The following TNRC6B variants were observed in gnomAD, a reference collection of about 807,000 sequenced individuals.
The protein encoded by TNRC6B is trinucleotide repeat containing adaptor 6B.
Under a neutral mutation model 203.6 loss-of-function variants are expected in TNRC6B, and 52 were observed. The ratio of observed to expected loss-of-function variants is 0.26; its 90% confidence interval spans 0.20 to 0.32. TNRC6B has a LOEUF of 0.32. TNRC6B is among the 10% of genes least tolerant of loss of function. The pLI, the probability that TNRC6B is intolerant of heterozygous loss-of-function variation, is 1.00. For synonymous variants in TNRC6B, 838 were observed against 845.7 expected, an observed-to-expected ratio of 0.99 and a Z score of 0.16; for missense variants, 1,923 against 2,286.2, an observed-to-expected ratio of 0.84 and a Z score of 3.24.
At position 40,106,734 on chromosome 22, in the gene TNRC6B, G is replaced by T; in HGVS notation, c.-120-10321G>T. ...TTGAAGATTTCAGGAAGGCGAAGAA[G>T]CTGCAACACCTTTCGGACCTTTGGG... On this transcript the variant is annotated intron_variant, in intron 1 of 23. Coordinates refer to the TNRC6B transcript ENST00000301923. 3 of 766,656 alleles carry T rather than the reference G, an allele frequency of 3.9e-6. No homozygotes were observed. The South Asian group carries it at 4.0e-5, about 10-fold the overall frequency. The allele number at this position is 766,656 out of a possible 1,614,324, so 47.5% of individuals were successfully genotyped here. A position where few individuals can be genotyped will look rare whatever the true frequency, so the allele number is the denominator to read the frequency against.
chr22:40,126,009 C>G lies in TNRC6B; in HGVS notation c.45+147C>G, dbSNP rs1005621213. On this transcript the variant is annotated intron_variant, in intron 3 of 23. Coordinates refer to the TNRC6B transcript ENST00000301923. Reference sequence around the variant, plus strand: ...AACATAAGATTGAGAAATATTTTTTCTTTTCAGTATACTTTTTAATCCTAT... The same window carrying G: ...AACATAAGATTGAGAAATATTTTTTGTTTTCAGTATACTTTTTAATCCTAT... 5 of 828,346 alleles carry G rather than the reference C, an allele frequency of 6.0e-6. No individual in the cohort carries two copies. In the East Asian group the frequency reaches 8.8e-5, roughly 15 times the overall value. The allele number at this position is 828,346 out of a possible 1,614,324, so 51.3% of individuals were successfully genotyped here.
intron 7 of TNRC6B, among the ~76,000 whole-genome samples, chr22:40,276,239 C>T (rs1008832906): frequency 6.8e-6 from 1 of 147,214 alleles, no homozygotes; most frequent in African/African-American, 2.5e-5. Context: ...CCCAGCTACT[C>T]GGGAGGCTGA....
intron 1 of TNRC6B, chr22:40,106,474 C>T (rs904778638): frequency 6.6e-6 from 5 of 756,376 alleles, no homozygotes; most frequent in Admixed American, 3.5e-5. Flanking sequence ...AAGCATTTTC[C>T]AACAGTATAG....
intron 1 of TNRC6B, among the ~76,000 whole-genome samples, chr22:40,094,692 T>C (rs1387166689): frequency 6.6e-6 from 1 of 152,188 alleles, no homozygotes; most frequent in Non-Finnish European, 1.5e-5. Flanking sequence ...AAACGAAAAG[T>C]GTTCTTTAGC....
intron 1 of TNRC6B, among the ~76,000 whole-genome samples, chr22:40,073,313 A>G (rs956852478): frequency 2.6e-5 from 4 of 151,776 alleles, no homozygotes; most frequent in African/African-American, 9.7e-5. Flanking sequence ...AAGGTCAAGA[A>G]CTCTTTGTCT....
At chr22:40,120,362 A>G (rs963492736) in intron 2 of TNRC6B, among the ~76,000 whole-genome samples, 5 of 151,384 alleles carry the variant, frequency 3.3e-5, no homozygotes, top group Non-Finnish European at 7.4e-5. Context: ...TACTGAATAG[A>G]TATTAGAAGG....
chr22:40,300,093 T>C (rs1308146380), intron 12 of TNRC6B, among the ~76,000 whole-genome samples: 1 of 152,260 alleles, frequency 6.6e-6, no homozygotes, highest in African/African-American at 2.4e-5. Context: ...TTATTAGCTT[T>C]ATGCAATGTA....
intron 1 of TNRC6B, among the ~76,000 whole-genome samples, chr22:40,079,208 C>T (rs1029074070): frequency 5.5e-4 from 83 of 152,132 alleles, no homozygotes; most frequent in African/African-American, 1.8e-3. Flanking sequence ...CCACCGTGCC[C>T]GGGCAATATC....
intron 10 of TNRC6B, among the ~76,000 whole-genome samples, chr22:40,280,443 A>G (rs1469515939): frequency 6.6e-6 from 1 of 152,222 alleles, no homozygotes; most frequent in Non-Finnish European, 1.5e-5. Context: ...GCTGCTGTGC[A>G]GCTACAAAAT....
chr22:40,245,016 G>C (rs2070085928), intron 1 of TNRC6B, among the ~76,000 whole-genome samples: 1 of 152,130 alleles, frequency 6.6e-6, no homozygotes, highest in African/African-American at 2.4e-5. Context: ...GCAAAACCTG[G>C]TTGTCTTAAT....
upstream of TNRC6B, among the ~76,000 whole-genome samples, chr22:40,175,399 G>T (rs773780952): frequency 1.3e-5 from 2 of 152,004 alleles, no homozygotes; most frequent in Non-Finnish European, 2.9e-5. Flanking sequence ...TTTGAAATTA[G>T]AACCAATATT....
chr22:40,076,108 C>T (rs1489224178), intron 1 of TNRC6B, among the ~76,000 whole-genome samples: 4 of 152,282 alleles, frequency 2.6e-5, no homozygotes, highest in African/African-American at 4.8e-5. Context: ...AAAGCTTCAC[C>T]GTTTTTTGTA....
chr22:40,220,604 C>A (rs1277955329), intron 1 of TNRC6B, among the ~76,000 whole-genome samples: 1 of 152,070 alleles, frequency 6.6e-6, no homozygotes, highest in African/African-American at 2.4e-5. Flanking sequence ...ATTTTTGTAA[C>A]CTTTTGGTTA....
chr22:40,081,501 A>G (rs1369390060), intron 1 of TNRC6B, among the ~76,000 whole-genome samples: 2 of 152,140 alleles, frequency 1.3e-5, no homozygotes, highest in East Asian at 1.9e-4. Context: ...ATAATGCTCT[A>G]TACCATAATA....
chr22:40,096,681 T>C (rs989429428), intron 1 of TNRC6B, among the ~76,000 whole-genome samples: 3 of 152,212 alleles, frequency 2.0e-5, no homozygotes, highest in African/African-American at 7.2e-5. Context: ...ATGTGTTACA[T>C]ACTATGCCAG....
At chr22:40,059,815 G>T (rs868758800) in intron 1 of TNRC6B, among the ~76,000 whole-genome samples, 69 of 126,164 alleles carry the variant, frequency 5.5e-4, no homozygotes, top group South Asian at 1.0e-3. Flanking sequence ...ATAGAGTTTG[G>T]TTTTTTTTTT....
intron 16 of TNRC6B, 71 bp from the exon 17 acceptor site, chr22:40,310,746 G>GT: frequency 1.0e-5 from 15 of 1,445,570 alleles, no homozygotes; most frequent in Non-Finnish European, 1.2e-5. Context: ...TTGCATTCCA[G>GT]CGAATAAAAA....
At chr22:40,179,997 C>G (rs562389261) in intron 1 of TNRC6B, among the ~76,000 whole-genome samples, 8 of 152,234 alleles carry the variant, frequency 5.3e-5, no homozygotes, top group Non-Finnish European at 8.8e-5. Flanking sequence ...TGTTTAGATT[C>G]ACTGTAAATT....
chr22:40,312,058 A>G (rs912911589), intron 17 of TNRC6B, among the ~76,000 whole-genome samples: 25 of 152,250 alleles, frequency 1.6e-4, no homozygotes, highest in African/African-American at 5.3e-4. Flanking sequence ...CATTCTGTGT[A>G]GCAGTATCAT....
Sources: gnomAD v4.1 joint callset for allele counts (sites outside exome capture counted in the v4.1 genomes callset) on GRCh38, gnomAD v4.1.1 for gene constraint, MANE v1.5 for transcripts, NCBI Gene and HGNC (gene_info 2026-07-23, HGNC 2026-07-21) for gene names.